The following CPA5 variants were observed in gnomAD, a reference collection of about 807,000 sequenced individuals.
The protein encoded by CPA5 is testicular tissue protein Li 32.
CPA5 carries 38 observed loss-of-function variants against 52.2 expected under a neutral mutation model. The ratio of observed to expected loss-of-function variants is 0.73; its 90% confidence interval spans 0.56 to 0.95. The LOEUF is 0.95. Among genes scored for constraint, CPA5 ranks in the 40% least tolerant of loss-of-function variants. The pLI is 0.00. For missense variants in CPA5, 519 were observed against 566.7 expected (o/e 0.92, Z 0.86); for synonymous variants, 198 against 213.7 (o/e 0.93, Z 0.64).
intron 6 of CPA5, among the ~76,000 whole-genome samples, chr7:130,360,742 C>T (rs1449764222): frequency 1.3e-5 from 2 of 152,080 alleles, no homozygotes; most frequent in African/African-American, 4.8e-5. Context: ...CTAAAAGGAG[C>T]GAGAAGATAA....
intron 10 of CPA5, 46 bp downstream of exon 10, chr7:130,363,555 G>A (rs1554407450): frequency 2.7e-6 from 4 of 1,481,838 alleles, no homozygotes; most frequent in East Asian, 4.8e-5. Flanking sequence ...AAGAGGTGTT[G>A]GCCCATGGCA....
chr7:130,358,594 A>C (rs1795621214), intron 5 of CPA5, among the ~76,000 whole-genome samples: 1 of 152,152 alleles, frequency 6.6e-6, no homozygotes, highest in Admixed American at 6.5e-5. Flanking sequence ...CAGTGCTGCA[A>C]ACAAAGGGCA....
At chr7:130,353,129 C>T (rs1795272721) in intron 5 of CPA5, among the ~76,000 whole-genome samples, 3 of 151,994 alleles carry the variant, frequency 2.0e-5, no homozygotes, top group Admixed American at 2.0e-4. Flanking sequence ...TTTAAAAAAA[C>T]CCTCTCTTGA....
chr7:130,362,495 C>T lies in CPA5; in HGVS notation c.592C>T (p.Arg198Trp), dbSNP rs782017298. 27 of 1,613,654 alleles carry T rather than the reference C, an allele frequency of 1.7e-5. No individual in the cohort carries two copies. Among genetic ancestry groups the T allele is most frequent in the East Asian group, 1.1e-4 (5 of 44,840 alleles). The change falls in exon 8 of 13, where the codon CGG (arginine) becomes TGG (tryptophan). Residue 198 changes from arginine (R) to tryptophan (W), a missense_variant. By Grantham distance (101) the Arg-to-Trp change is moderately radical. Transcript: ENST00000474905. ...AIWIDTGIHSREWITHATGIW... is the reference protein window; with the variant it reads ...AIWIDTGIHSWEWITHATGIW... ...CTGGATTGACACTGGAATTCACTCCCGGGAGTGGATCACCCATGCCACCGG... is the reference window on the plus strand; with the variant it reads ...CTGGATTGACACTGGAATTCACTCCTGGGAGTGGATCACCCATGCCACCGG...
At chr7:130,363,361 G>C (rs1795898824) in intron 9 of CPA5, 58 bp from the exon 10 acceptor site, 2 of 1,423,934 alleles carry the variant, frequency 1.4e-6, no homozygotes, top group African/African-American at 2.8e-5. Flanking sequence ...GATATCAGAG[G>C]CTCCCATCCC....
intron 10 of CPA5, among the ~76,000 whole-genome samples, chr7:130,365,426 A>G (rs898829372): frequency 2.0e-5 from 3 of 152,230 alleles, no homozygotes; most frequent in Admixed American, 2.0e-4. Flanking sequence ...GTACAAAACA[A>G]TTATGGAAAA....
intron 4 of CPA5, among the ~76,000 whole-genome samples, chr7:130,348,962 A>C (rs1167031275): frequency 6.6e-6 from 1 of 152,180 alleles, no homozygotes; most frequent in Admixed American, 6.5e-5. Flanking sequence ...TCCGCGAGTC[A>C]CTTAGTGGCC....
In CPA5 at chr7:130,367,382, T is replaced by C. The variant is rs1554408683; in HGVS notation, c.849T>C (p.Ser283=). Residue 283 remains serine, a synonymous_variant, in exon 11 of 13, where the codon TCT becomes TCC. Coordinates refer to ENST00000474905, the MANE Select transcript of CPA5 (RefSeq NM_080385.5). ...TTATTTTACTTCCAGGAAATGGTTC[T>C]AACAGCAACCCCTGCTCAGAAACTT... ...NWKSGFGGNG[S]NSNPCSETYH... is the part of the protein sequence containing the mutation. The C allele has an allele frequency of 5.0e-6, 8 of 1,614,128 alleles. No homozygotes were observed. The East Asian group carries it at 1.1e-4, about 22-fold the overall frequency.
At position 130,347,049 on chromosome 7, in the gene CPA5, A is replaced by T. The variant is rs992617849; in HGVS notation, c.116+448A>T. On this transcript the variant is annotated intron_variant, in intron 3 of 12. Transcript: ENST00000474905. Reference sequence around the variant, plus strand: ...TACACGCCAGGCCCTCTGTGGATGTACTTTGAGCCTCTCCAAGGTCCACAG... The same window carrying T: ...TACACGCCAGGCCCTCTGTGGATGTTCTTTGAGCCTCTCCAAGGTCCACAG... Among the ~76,000 whole-genome samples the T allele has an allele frequency of 3.3e-5, 5 of 152,108 alleles. No homozygotes were observed. In the East Asian group the frequency reaches 9.7e-4, roughly 29 times the overall value.
At chr7:130,346,636 G>C in intron 3 of CPA5, 35 bp downstream of exon 3, 5 of 1,559,546 alleles carry the variant, frequency 3.2e-6, no homozygotes, top group Non-Finnish European at 4.4e-6. Context: ...GGGAGGACTG[G>C]CTGGGAGGAG....
chr7:130,346,205 A>T (rs188221773), intron 2 of CPA5, among the ~76,000 whole-genome samples, 188 bp from the exon 3 acceptor site: 2,085 of 152,236 alleles, frequency 0.014, 19 homozygotes, highest in Non-Finnish European at 0.02. Context: ...GATGCTCACA[A>T]GGGGCTGCCC....
chr7:130,363,399 C>T lies in CPA5; in HGVS notation c.748-20C>T, dbSNP rs11773211. The T allele has an allele frequency of 1.2e-5, 18 of 1,555,474 alleles. No individual in the cohort carries two copies. The highest frequency in any genetic ancestry group is 1.5e-5 in the Non-Finnish European group (17 of 1,147,478). The stretch of plus-strand genomic sequence containing the variant: ...GGAATGGGCCCAGTGAATGAGGTCA[C>T]CTGTCCTGGGCTTTCCCAGAACCGC... On this transcript the variant is annotated intron_variant, in intron 9 of 12. Transcript: ENST00000474905.
chr7:130,352,833 C>G (rs1348993305), intron 5 of CPA5, among the ~76,000 whole-genome samples: 1 of 151,838 alleles, frequency 6.6e-6, no homozygotes, highest in Admixed American at 6.6e-5. Context: ...TCTTTTCAGC[C>G]CTTTGGTTTT....
intron 4 of CPA5, 120 bp downstream of exon 4, chr7:130,347,967 C>A: frequency 2.8e-6 from 2 of 719,244 alleles, no homozygotes; most frequent in Non-Finnish European, 4.7e-6. Flanking sequence ...GCAAAGAGCA[C>A]AGACCTGTGG....
At chr7:130,363,134 G>A in intron 9 of CPA5, 140 bp downstream of exon 9, 1 of 622,008 alleles carries the variant, frequency 1.6e-6, no homozygotes, top group South Asian at 2.0e-5. Flanking sequence ...CTCAGGTACT[G>A]CACCTGCAGC....
chr7:130,368,359 C>T, intron 12 of CPA5, 51 bp from the exon 13 acceptor site: 1 of 1,576,090 alleles, frequency 6.3e-7, no homozygotes, highest in Non-Finnish European at 8.7e-7. Flanking sequence ...ACCTTGCAGC[C>T]ACATCCCCTT....
chr7:130,355,675 C>T lies in CPA5; in HGVS notation c.334-3914C>T, dbSNP rs532670423. ...CCATCTGCCTTGGCATCCCAAAGTGCTGGGATTACAGGTGTCAGCCACTGC... is the reference window on the plus strand; with the variant it reads ...CCATCTGCCTTGGCATCCCAAAGTGTTGGGATTACAGGTGTCAGCCACTGC... On this transcript the variant is annotated intron_variant, in intron 5 of 12. Transcript: ENST00000474905. Among the ~76,000 whole-genome samples the T allele has an allele frequency of 2.5e-4, 38 of 152,332 alleles. 1 individual carries two copies. Among genetic ancestry groups the T allele is most frequent in the African/African-American group, 8.9e-4 (37 of 41,570 alleles).
intron 2 of CPA5, 45 bp from the exon 3 acceptor site, chr7:130,346,348 G>C: frequency 1.7e-6 from 1 of 585,218 alleles, no homozygotes; most frequent in Non-Finnish European, 3.0e-6. Context: ...TGGCATGTGG[G>C]AGCCACATGC....
In CPA5 at chr7:130,363,515, G is replaced by A; in HGVS notation, c.838+6G>A. 6.3e-7 allele frequency: 1 copy of A among 1,575,810 alleles called. No homozygotes were observed. The highest frequency in any genetic ancestry group is 8.6e-7 in the Non-Finnish European group (1 of 1,159,434). On this transcript the variant is annotated splice_donor_region_variant and intron_variant, in intron 10 of 12. Coordinates refer to ENST00000474905, the MANE Select transcript of CPA5 (RefSeq NM_080385.5). ...CTGGAAGTCGGGTTTTGGAGGTATG[G>A]CAACCTGCTGTCCTGGGGCAGGGTT...
Sources: gnomAD v4.1 joint callset for allele counts (sites outside exome capture counted in the v4.1 genomes callset) on GRCh38, gnomAD v4.1.1 for gene constraint, MANE v1.5 for transcripts, NCBI Gene and HGNC (gene_info 2026-07-23, HGNC 2026-07-21) for gene names.